Variants in THSD7B observed in about 807,000 individuals in gnomAD.
The protein encoded by THSD7B is thrombospondin type 1 domain containing 7B.
Under a neutral mutation model 213.6 loss-of-function variants are expected in THSD7B, and 138 were observed. That is an observed-to-expected ratio of 0.65 (90% confidence interval 0.56 to 0.74). THSD7B has a LOEUF of 0.74. Among genes scored for constraint, THSD7B ranks in the 30% least tolerant of loss-of-function variants. THSD7B has a pLI of 0.00. For synonymous variants in THSD7B, 742 were observed against 687.0 expected, an observed-to-expected ratio of 1.08 and a Z score of -1.25; for missense variants, 1,931 against 1,991.5, an observed-to-expected ratio of 0.97 and a Z score of 0.58.
At chr2:137,491,026 C>T (rs1688594968) in intron 15 of THSD7B, among the ~76,000 whole-genome samples, 2 of 152,122 alleles carry the variant, frequency 1.3e-5, no homozygotes, top group Admixed American at 1.3e-4. Context: ...AATCTGAGTT[C>T]CATAGACTAA....
At chr2:136,839,392 T>C (rs1682889599) in intron 1 of THSD7B, among the ~76,000 whole-genome samples, 1 of 152,176 alleles carries the variant, frequency 6.6e-6, no homozygotes, top group Non-Finnish European at 1.5e-5. Flanking sequence ...CACTATGGCT[T>C]ATAGTAAAAC....
intron 15 of THSD7B, among the ~76,000 whole-genome samples, chr2:137,489,521 A>G (rs1472293587): frequency 1.3e-5 from 2 of 152,068 alleles, no homozygotes; most frequent in African/African-American, 2.4e-5. Context: ...TTGCCAATTT[A>G]GTCTTATTGA....
At chr2:137,161,858 A>G (rs1251551577) in intron 6 of THSD7B, among the ~76,000 whole-genome samples, 1 of 152,130 alleles carries the variant, frequency 6.6e-6, no homozygotes, top group Non-Finnish European at 1.5e-5. Context: ...ATATTTTTAG[A>G]ACAGTCATCT....
intron 7 of THSD7B, among the ~76,000 whole-genome samples, chr2:137,205,169 G>A (rs1040892422): frequency 3.2e-4 from 48 of 152,046 alleles, no homozygotes; most frequent in African/African-American, 1.1e-3. Context: ...TGCCAGTTTT[G>A]TTGCTGGATA....
At chr2:137,367,454 T>A (rs1685447980) in intron 12 of THSD7B, among the ~76,000 whole-genome samples, 1 of 152,146 alleles carries the variant, frequency 6.6e-6, no homozygotes, top group Non-Finnish European at 1.5e-5. Flanking sequence ...CTATGCAATA[T>A]ACGTTTTGGA....
At chr2:137,296,080 T>G (rs528434528) in intron 12 of THSD7B, among the ~76,000 whole-genome samples, 5 of 150,964 alleles carry the variant, frequency 3.3e-5, no homozygotes, top group African/African-American at 9.9e-5. Context: ...TGGTTTGAGA[T>G]TCTTTGGGGA....
chr2:136,852,668 C>A (rs1683118059), intron 1 of THSD7B, among the ~76,000 whole-genome samples: 1 of 152,092 alleles, frequency 6.6e-6, no homozygotes. Flanking sequence ...TATATGTTTT[C>A]TTTTAATATA....
At chr2:137,231,269 A>G in intron 8 of THSD7B, 34 bp downstream of exon 8, 1 of 1,544,970 alleles carries the variant, frequency 6.5e-7, no homozygotes, top group South Asian at 1.2e-5. Flanking sequence ...CTTTGGATTC[A>G]TTAGCCCAAT....
intron 2 of THSD7B, among the ~76,000 whole-genome samples, chr2:137,015,263 C>T (rs1229569996): frequency 6.6e-6 from 1 of 152,050 alleles, no homozygotes; most frequent in Admixed American, 6.6e-5. Flanking sequence ...GAAATATGGC[C>T]TTCATTTATT....
At chr2:136,796,063 G>A (rs574191354) in intron 1 of THSD7B, among the ~76,000 whole-genome samples, 3 of 151,132 alleles carry the variant, frequency 2.0e-5, no homozygotes, top group African/African-American at 4.9e-5. Context: ...TGTCCTCTCT[G>A]AAATGTTAGT....
At chr2:136,828,219 A>T (rs1056582983) in intron 1 of THSD7B, among the ~76,000 whole-genome samples, 1 of 152,108 alleles carries the variant, frequency 6.6e-6, no homozygotes, top group Non-Finnish European at 1.5e-5. Flanking sequence ...AGAGCATTTC[A>T]TCATCCTCTC....
chr2:137,406,989 C>T (rs910340223), intron 13 of THSD7B, among the ~76,000 whole-genome samples: 1 of 152,142 alleles, frequency 6.6e-6, no homozygotes, highest in Non-Finnish European at 1.5e-5. Context: ...CATAACGCAT[C>T]GGAAGCCATT....
chr2:137,664,544 G>T (rs1683412987), intron 26 of THSD7B, among the ~76,000 whole-genome samples: 1 of 152,164 alleles, frequency 6.6e-6, no homozygotes, highest in South Asian at 2.1e-4. Context: ...GATGCTTTCT[G>T]TGTGTCCTGT....
intron 3 of THSD7B, among the ~76,000 whole-genome samples, chr2:137,063,536 A>G (rs553348832): frequency 2.9e-4 from 44 of 152,152 alleles, no homozygotes; most frequent in African/African-American, 1.0e-3. Context: ...TAAACAATCC[A>G]GTTATACTCA....
At chr2:137,334,304 C>G (rs1684588774) in intron 12 of THSD7B, among the ~76,000 whole-genome samples, 2 of 152,148 alleles carry the variant, frequency 1.3e-5, no homozygotes, top group Non-Finnish European at 2.9e-5. Context: ...TCCACCATCA[C>G]TGTTCTTTTC....
At chr2:137,672,645 G>GT (rs1202539842) in intron 27 of THSD7B, among the ~76,000 whole-genome samples, 13 of 152,286 alleles carry the variant, frequency 8.5e-5, no homozygotes, top group Middle Eastern at 6.8e-3. Context: ...CAGGATGACA[G>GT]TTTTAGAGAT....
At chr2:137,091,062 AT>A (rs887583708) in intron 3 of THSD7B, among the ~76,000 whole-genome samples, 1 of 152,204 alleles carries the variant, frequency 6.6e-6, no homozygotes, top group African/African-American at 2.4e-5. Flanking sequence ...GATAGTGAAA[AT>A]AACATTAAAA....
chr2:137,009,962 C>A (rs1686195808), intron 2 of THSD7B, among the ~76,000 whole-genome samples: 1 of 152,188 alleles, frequency 6.6e-6, no homozygotes, highest in African/African-American at 2.4e-5. Context: ...AACAGTAACA[C>A]CTTTATCAGA....
chr2:137,648,984 C>T (rs1415921499), intron 21 of THSD7B, among the ~76,000 whole-genome samples: 1 of 152,136 alleles, frequency 6.6e-6, no homozygotes, highest in East Asian at 1.9e-4. Context: ...GATGATATCT[C>T]ATTATGCTTT....
Sources: allele counts gnomAD v4.1 joint callset (sites outside exome capture counted in the v4.1 genomes callset), GRCh38; gene constraint gnomAD v4.1.1; transcripts MANE v1.5; gene names NCBI Gene and HGNC (gene_info 2026-07-23, HGNC 2026-07-21).